LRRC49: variants seen among roughly 807,000 people sequenced by gnomAD.
The protein encoded by LRRC49 is leucine rich repeat containing 49.
Under a neutral mutation model 83.3 loss-of-function variants are expected in LRRC49, and 50 were observed. The ratio of observed to expected loss-of-function variants is 0.60; its 90% confidence interval spans 0.48 to 0.76. LRRC49 has a LOEUF of 0.76. Ranked by LOEUF, LRRC49 falls within the 30% of genes least tolerant of loss-of-function variation. The pLI is 0.00. For missense variants in LRRC49, 704 were observed against 809.1 expected (o/e 0.87, Z 1.58); for synonymous variants, 286 against 283.3 (o/e 1.01, Z -0.10).
chr15:70,926,518 A>G (rs1389766587), intron 7 of LRRC49, among the ~76,000 whole-genome samples: 1 of 151,818 alleles, frequency 6.6e-6, no homozygotes, highest in African/African-American at 2.4e-5. Context: ...TTTGTTTTTT[A>G]TTTTTTATTT....
intron 11 of LRRC49, among the ~76,000 whole-genome samples, chr15:71,000,074 G>A (rs1366789579): frequency 6.6e-6 from 1 of 152,212 alleles, no homozygotes; most frequent in Admixed American, 6.5e-5. Flanking sequence ...CACCAAGCTG[G>A]GGAGTGGGGA....
chr15:70,882,402 T>G, intron 2 of LRRC49: 1 of 1,345,712 alleles, frequency 7.4e-7, no homozygotes, highest in East Asian at 2.3e-5. Flanking sequence ...GATAATTATG[T>G]GAGTAAAGAT....
At chr15:70,961,057 T>TA (rs1187891757) in intron 8 of LRRC49, among the ~76,000 whole-genome samples, 80 of 152,120 alleles carry the variant, frequency 5.3e-4, no homozygotes, top group African/African-American at 1.9e-3. Flanking sequence ...TATCCAAATT[T>TA]TAAAAAAATC....
At chr15:70,859,431 C>T (rs963469508) in intron 1 of LRRC49, 12 of 736,464 alleles carry the variant, frequency 1.6e-5, no homozygotes, top group East Asian at 5.2e-5. Context: ...TCCCACATCT[C>T]GGACATATCT....
chr15:70,951,896 A>G (rs1383055012), intron 8 of LRRC49, among the ~76,000 whole-genome samples: 1 of 151,972 alleles, frequency 6.6e-6, no homozygotes, highest in East Asian at 1.9e-4. Flanking sequence ...CATTGTCTAT[A>G]GGTTTATGTT....
intron 14 of LRRC49, among the ~76,000 whole-genome samples, chr15:71,029,155 T>C (rs999360430): frequency 6.6e-6 from 1 of 152,240 alleles, no homozygotes; most frequent in Non-Finnish European, 1.5e-5. Flanking sequence ...CTATTTGTTC[T>C]CATTGGTTTT....
intron 14 of LRRC49, among the ~76,000 whole-genome samples, chr15:71,028,032 A>C (rs2039229976): frequency 6.6e-6 from 1 of 152,208 alleles, no homozygotes; most frequent in African/African-American, 2.4e-5. Flanking sequence ...CAGTTATCAA[A>C]GGGAATGCTT....
intron 3 of LRRC49, among the ~76,000 whole-genome samples, chr15:70,896,308 C>T (rs1301180168): frequency 6.6e-6 from 1 of 152,090 alleles, no homozygotes; most frequent in Non-Finnish European, 1.5e-5. Context: ...AAGAAACAAT[C>T]TTTCCCTGTT....
At chr15:71,023,530 A>T (rs1229236702) in intron 14 of LRRC49, among the ~76,000 whole-genome samples, 7 of 152,118 alleles carry the variant, frequency 4.6e-5, no homozygotes, top group Admixed American at 4.6e-4. Flanking sequence ...ATTGAGACTG[A>T]CTTGGGCAGT....
In LRRC49 at chr15:70,944,444, G is replaced by A. The variant is rs151171559; in HGVS notation, c.773+7622G>A. On this transcript the variant is annotated intron_variant, in intron 8 of 15. Transcript: ENST00000260382. Reference sequence around the variant, plus strand: ...TGAGACCCAGTCTCACTGCTCTGTCGCCCAGGCTGTAGTGCACTGGCGCGA... The same window carrying A: ...TGAGACCCAGTCTCACTGCTCTGTCACCCAGGCTGTAGTGCACTGGCGCGA... 4.9e-3 allele frequency among the ~76,000 whole-genome samples: 737 copies of A among 151,582 alleles called. 9 individuals carry two copies. Among genetic ancestry groups the A allele is most frequent in the South Asian group, 0.026 (125 of 4,786 alleles).
intron 8 of LRRC49, among the ~76,000 whole-genome samples, chr15:70,945,600 G>C (rs543729579): frequency 2.0e-5 from 3 of 148,980 alleles, no homozygotes; most frequent in African/African-American, 7.4e-5. Context: ...TAGACGGGTT[G>C]AATTTGTTTC....
intron 14 of LRRC49, among the ~76,000 whole-genome samples, chr15:71,031,811 C>G (rs2039361476): frequency 6.6e-6 from 1 of 152,148 alleles, no homozygotes; most frequent in Admixed American, 6.5e-5. Flanking sequence ...AAACTGCCTA[C>G]TAAAACCTCA....
At chr15:70,986,859 T>A (rs1302913547) in intron 11 of LRRC49, among the ~76,000 whole-genome samples, 1 of 152,224 alleles carries the variant, frequency 6.6e-6, no homozygotes, top group Non-Finnish European at 1.5e-5. Flanking sequence ...TGTTGAATTT[T>A]GTCAAAGGCC....
chr15:70,859,965 G>A, intron 1 of LRRC49: 1 of 762,792 alleles, frequency 1.3e-6, no homozygotes, highest in Non-Finnish European at 2.4e-6. Context: ...ACCACCAGCG[G>A]CTATGCAGGT....
intron 1 of LRRC49, among the ~76,000 whole-genome samples, chr15:70,863,852 A>G (rs1172087243): frequency 6.6e-6 from 1 of 152,216 alleles, no homozygotes; most frequent in Non-Finnish European, 1.5e-5. Flanking sequence ...CACAAGGAAT[A>G]TGACTTTGGG....
chr15:70,895,361 A>AT (rs1426083835), intron 2 of LRRC49, among the ~76,000 whole-genome samples: 20 of 152,164 alleles, frequency 1.3e-4, no homozygotes, highest in Non-Finnish European at 2.2e-4. Flanking sequence ...CAAAACAGTG[A>AT]TTTTTTCAAC....
chr15:71,049,272 TC>T (rs1342966736), intron 15 of LRRC49, 136 bp from the exon 16 acceptor site: 1 of 623,350 alleles, frequency 1.6e-6, no homozygotes, highest in Admixed American at 3.0e-5. Context: ...AGGAAAGAAT[TC>T]CTGCTCTGAG....
chr15:71,045,418 A>T (rs2039825263), intron 15 of LRRC49, among the ~76,000 whole-genome samples: 1 of 152,170 alleles, frequency 6.6e-6, no homozygotes, highest in Admixed American at 6.5e-5. Context: ...CGTATTTTTT[A>T]AATTCATCTC....
upstream of LRRC49, among the ~76,000 whole-genome samples, chr15:70,891,549 A>G (rs767176433): frequency 1.3e-4 from 18 of 143,730 alleles, 1 homozygote; most frequent in Admixed American, 5.0e-4. Context: ...GCAACTCACT[A>G]CTCTGCAGGA....
Sources: allele counts gnomAD v4.1 joint callset (sites outside exome capture counted in the v4.1 genomes callset), GRCh38; gene constraint gnomAD v4.1.1; transcripts MANE v1.5; gene names NCBI Gene and HGNC (gene_info 2026-07-23, HGNC 2026-07-21).